ACACA: variants seen among roughly 807,000 people sequenced by gnomAD.
ACACA encodes acetyl-CoA carboxylase 1.
A neutral mutation model predicts 296.1 loss-of-function variants in ACACA; 103 were observed. The observed-to-expected ratio is 0.35, with a 90% CI of 0.30 to 0.41. ACACA has a LOEUF of 0.41. Ranked by LOEUF, ACACA falls within the 10% of genes least tolerant of loss-of-function variation. ACACA has a pLI of 1.00. For synonymous variants in ACACA, 953 were observed against 1,038.6 expected (o/e 0.92, Z 1.58); for missense variants, 1,554 against 2,989.7 (o/e 0.52, Z 11.20).
chr17:37,366,711 C>T (rs1568061091), intron 1 of ACACA, among the ~76,000 whole-genome samples: 1 of 152,016 alleles, frequency 6.6e-6, no homozygotes, highest in Non-Finnish European at 1.5e-5. Flanking sequence ...TTGTGATCCA[C>T]CCGCCTTAGC....
rs193211828 is a variant in ACACA, at chr17:37,354,775, T to A, written c.39-14925A>T. Reference sequence around the variant, plus strand: ...CCCCCACTCCACCCCACAAAAAAAATTTAAAATTAGCTGGGCGCAGTGGTG... The same window carrying A: ...CCCCCACTCCACCCCACAAAAAAAAATTAAAATTAGCTGGGCGCAGTGGTG... On this transcript the variant is annotated intron_variant, in intron 1 of 55. Transcript: ENST00000616317. Among the ~76,000 whole-genome samples, 19 of 151,680 alleles carry A rather than the reference T, an allele frequency of 1.3e-4. 1 individual carries two copies. In the East Asian group the frequency reaches 3.1e-3, roughly 25 times the overall value.
chr17:37,347,407 T>C lies in ACACA; in HGVS notation c.39-7557A>G, dbSNP rs565950886. 3.3e-5 allele frequency among the ~76,000 whole-genome samples: 5 copies of C among 152,266 alleles called. No homozygotes were observed. The South Asian group carries it at 1.0e-3, about 32-fold the overall frequency. ...AATACAAGGGCTCAAGTGATCCTCCTACCTCAGCCTCCTGAGTAGCTGGGA... is the reference window on the plus strand; with the variant it reads ...AATACAAGGGCTCAAGTGATCCTCCCACCTCAGCCTCCTGAGTAGCTGGGA... On this transcript the variant is annotated intron_variant, in intron 1 of 55. Coordinates refer to ENST00000616317, the MANE Select transcript of ACACA (RefSeq NM_198834.3).
chr17:37,274,145 T>A (rs1198463157), intron 9 of ACACA, 48 bp downstream of exon 9: 1 of 1,502,284 alleles, frequency 6.7e-7, no homozygotes, highest in Non-Finnish European at 9.3e-7. Context: ...CATTTGTGAC[T>A]ATAACTGGTC....
chr17:37,390,581 T>C, intron 1 of ACACA, among the ~76,000 whole-genome samples: 1 of 148,042 alleles, frequency 6.8e-6, no homozygotes, highest in Admixed American at 6.9e-5. Context: ...GAGCCGAGAT[T>C]GCGCCACTAT....
At chr17:37,134,161 G>C (rs996741947) in intron 45 of ACACA, among the ~76,000 whole-genome samples, 1 of 152,198 alleles carries the variant, frequency 6.6e-6, no homozygotes, top group Non-Finnish European at 1.5e-5. Context: ...GCAGTCATAC[G>C]TCCATGCTCA....
intron 3 of ACACA, among the ~76,000 whole-genome samples, chr17:37,324,411 C>A (rs2047496516): frequency 7.1e-6 from 1 of 141,062 alleles, no homozygotes; most frequent in Admixed American, 7.0e-5. Flanking sequence ...CACGCCCACC[C>A]ATACTCCCAG....
intron 1 of ACACA, chr17:37,377,886 A>G: frequency 6.2e-7 from 1 of 1,607,140 alleles, no homozygotes; most frequent in South Asian, 1.1e-5. Flanking sequence ...CAGACCTCAG[A>G]GATAGCAGTT....
At chr17:37,194,936 C>G (rs4795179) in intron 35 of ACACA, among the ~76,000 whole-genome samples, 39,232 of 150,892 alleles carry the variant, frequency 0.26, 5,813 homozygotes, top group African/African-American at 0.37. Context: ...CTCTGACACC[C>G]CCCCCACCCG....
In ACACA at chr17:37,245,137, A is replaced by G. The variant is rs780864492; in HGVS notation, c.2538T>C (p.Leu846=). The G allele has an allele frequency of 1.2e-5, 19 of 1,614,104 alleles. No individual in the cohort carries two copies. The highest frequency in any genetic ancestry group is 1.4e-5 in the Non-Finnish European group (16 of 1,180,034). Residue 846 remains leucine (L), a synonymous_variant, in exon 20 of 56, where the codon CTT becomes CTC. Coordinates refer to ENST00000616317, the MANE Select transcript of ACACA (RefSeq NM_198834.3). ...TTTTGGCTAGTACACAGCCAGGGTC[A>G]AGAGCTGCTCCAGGTCGCTTGACGT... ...IHYVKRPGAA[L]DPGCVLAKMQ... is the part of the protein sequence containing the mutation.
intron 7 of ACACA, among the ~76,000 whole-genome samples, chr17:37,276,258 CAG>C: frequency 6.6e-6 from 1 of 152,082 alleles, no homozygotes; most frequent in African/African-American, 2.4e-5. Flanking sequence ...GCTTTTTGTG[CAG>C]AGTGAGAGCT....
At chr17:37,400,381 A>T (rs1311803112) in intron 1 of ACACA, among the ~76,000 whole-genome samples, 4 of 152,124 alleles carry the variant, frequency 2.6e-5, no homozygotes, top group Non-Finnish European at 5.9e-5. Flanking sequence ...CAGCCTCCCA[A>T]AGTGCTGGGA....
intron 29 of ACACA, among the ~76,000 whole-genome samples, chr17:37,214,030 G>A (rs2078875985): frequency 1.3e-5 from 2 of 152,154 alleles, no homozygotes; most frequent in Non-Finnish European, 2.9e-5. Context: ...TGATGGGGAT[G>A]CATGCAAACA....
intron 54 of ACACA, among the ~76,000 whole-genome samples, chr17:37,091,273 A>G (rs1030203461): frequency 2.0e-5 from 3 of 152,210 alleles, no homozygotes; most frequent in African/African-American, 7.2e-5. Context: ...AGACAGGATT[A>G]GGGCAACGCA....
Position 37,328,622 on chromosome 17 carries a change from A to G in ACACA, c.338+1551T>C, listed in dbSNP as rs886839653. The G allele has an allele frequency of 1.1e-3, 334 of 305,096 alleles. 2 individuals are homozygous for G. Among genetic ancestry groups the G allele is most frequent in the Non-Finnish European group, 2.1e-4 (35 of 168,044 alleles). 18.9% of individuals were successfully genotyped at this position (305,096 alleles called of 1,614,324 possible). A position where few individuals can be genotyped will look rare whatever the true frequency, so the allele number is the denominator to read the frequency against. On this transcript the variant is annotated intron_variant, in intron 3 of 55. Coordinates refer to ENST00000616317, the MANE Select transcript of ACACA (RefSeq NM_198834.3). ...AGCCCCGATCCCAAGCCCCAGGGAT[A>G]ACAGTAAGACAGAACAATCACATCC...
At chr17:37,273,267 T>G (rs1399756533) in intron 9 of ACACA, among the ~76,000 whole-genome samples, 1 of 152,254 alleles carries the variant, frequency 6.6e-6, no homozygotes, top group African/African-American at 2.4e-5. Flanking sequence ...TCTTTCATTA[T>G]CTTTCATTAT....
chr17:37,204,944 TGGAG>T (rs1194954030), intron 33 of ACACA, among the ~76,000 whole-genome samples: 1 of 152,150 alleles, frequency 6.6e-6, no homozygotes, highest in East Asian at 1.9e-4. Context: ...GGAAACTCTT[TGGAG>T]GGAGAAAGTG....
intron 52 of ACACA, among the ~76,000 whole-genome samples, chr17:37,102,984 A>C (rs1480373879): frequency 6.6e-6 from 1 of 152,244 alleles, no homozygotes; most frequent in Non-Finnish European, 1.5e-5. Flanking sequence ...CAAAACAAGG[A>C]AAAGACTGAA....
In ACACA at chr17:37,219,017, T is replaced by G. The variant is rs1024882044; in HGVS notation, c.3683+2707A>C. Reference sequence around the variant, plus strand: ...TATTTTAAGTCCCTTGGATCACACCTGAGTTTATGCTAAGAGATGAGATGA... The same window carrying G: ...TATTTTAAGTCCCTTGGATCACACCGGAGTTTATGCTAAGAGATGAGATGA... On this transcript the variant is annotated intron_variant, in intron 29 of 55. Coordinates refer to ENST00000616317, the MANE Select transcript of ACACA (RefSeq NM_198834.3). Among the ~76,000 whole-genome samples, 5 of 152,180 alleles carry G rather than the reference T, an allele frequency of 3.3e-5. No homozygotes were observed. The East Asian group carries it at 9.6e-4, about 29-fold the overall frequency.
At chr17:37,128,673 G>C (rs1029003469) in intron 47 of ACACA, among the ~76,000 whole-genome samples, 18 of 152,316 alleles carry the variant, frequency 1.2e-4, no homozygotes, top group African/African-American at 4.3e-4. Flanking sequence ...TGTACACAGA[G>C]TTACTTCTTT....
Sources: gnomAD v4.1 joint callset for allele counts (sites outside exome capture counted in the v4.1 genomes callset) on GRCh38, gnomAD v4.1.1 for gene constraint, MANE v1.5 for transcripts, NCBI Gene and HGNC (gene_info 2026-07-23, HGNC 2026-07-21) for gene names.